IMPG1: variants seen among roughly 807,000 people sequenced by gnomAD.
The protein encoded by IMPG1 is interphotoreceptor matrix proteoglycan 1.
In IMPG1, 85 loss-of-function variants were observed where a neutral mutation model predicts 92.0. The observed-to-expected ratio is 0.92, with a 90% confidence interval of 0.78 to 1.11. The LOEUF (loss-of-function observed/expected upper bound fraction) is 1.11. Among genes scored for constraint, IMPG1 ranks in the 50% least tolerant of loss-of-function variants. IMPG1 has a pLI of 0.00. For missense variants in IMPG1, 1,022 were observed against 956.0 expected (o/e 1.07, Z -0.91); for synonymous variants, 367 against 334.1 (o/e 1.10, Z -1.08).
Position 75,974,355 on chromosome 6 carries a change from C to CTTTCTT in IMPG1, c.1292-23267_1292-23262dup, listed in dbSNP as rs1554230280. 5.4e-5 allele frequency among the ~76,000 whole-genome samples: 6 copies of CTTTCTT among 110,114 alleles called. No individual in the cohort carries two copies. The East Asian group carries it at 1.5e-3, about 27-fold the overall frequency. 72.2% of individuals were successfully genotyped at this position (110,114 alleles called of 152,430 possible). On this transcript the variant is annotated intron_variant, in intron 12 of 16. Transcript: ENST00000369950. Reference sequence around the variant, plus strand: ...CCTTTCTTTCTTTCTTTCTTTCTTTCTTTCTTTCTTTCTTTCTTTCTTTCT... The same window carrying CTTTCTT: ...CCTTTCTTTCTTTCTTTCTTTCTTTCTTTCTTTTTCTTTCTTTCTTTCTTTCTTTCT...
intron 7 of IMPG1, among the ~76,000 whole-genome samples, chr6:76,016,991 C>T (rs1484665134): frequency 6.6e-6 from 1 of 152,000 alleles, no homozygotes; most frequent in Non-Finnish European, 1.5e-5. Flanking sequence ...AATGAGTGAG[C>T]CCAGGAGAGA....
intron 14 of IMPG1, among the ~76,000 whole-genome samples, chr6:75,932,147 T>G (rs1307566409): frequency 6.6e-6 from 1 of 152,232 alleles, no homozygotes; most frequent in Non-Finnish European, 1.5e-5. Context: ...CCAAGAAATT[T>G]AGGGGAAAAT....
intron 14 of IMPG1, chr6:75,934,794 C>G (rs926929214): frequency 6.1e-6 from 2 of 326,336 alleles, no homozygotes; most frequent in Admixed American, 3.3e-5. Flanking sequence ...CGCTACACCC[C>G]CCTTCCCGTC....
At chr6:76,069,919 G>T (rs1208604050) in intron 1 of IMPG1, among the ~76,000 whole-genome samples, 1 of 152,128 alleles carries the variant, frequency 6.6e-6, no homozygotes, top group Non-Finnish European at 1.5e-5. Flanking sequence ...TTATAAGTGG[G>T]AGCTAAACAC....
At chr6:76,016,026 C>T (rs1223631123) in intron 7 of IMPG1, among the ~76,000 whole-genome samples, 1 of 152,040 alleles carries the variant, frequency 6.6e-6, no homozygotes, top group Non-Finnish European at 1.5e-5. Flanking sequence ...TCCTCAGTTA[C>T]CTCTTACAAA....
intron 12 of IMPG1, among the ~76,000 whole-genome samples, chr6:75,959,864 G>A (rs1001967557): frequency 6.6e-6 from 1 of 152,162 alleles, no homozygotes; most frequent in African/African-American, 2.4e-5. Flanking sequence ...CCTTTTCCAG[G>A]GGAGTGAACA....
chr6:75,966,331 G>T (rs777840877), intron 12 of IMPG1, among the ~76,000 whole-genome samples: 9 of 152,140 alleles, frequency 5.9e-5, no homozygotes, highest in South Asian at 2.1e-4. Flanking sequence ...TAAGACTCAT[G>T]TTGAAATTTA....
chr6:75,995,816 C>T (rs1369350119), intron 12 of IMPG1, among the ~76,000 whole-genome samples: 1 of 152,212 alleles, frequency 6.6e-6, no homozygotes, highest in Non-Finnish European at 1.5e-5. Context: ...TTCACTTCTC[C>T]ATTGCCTTAC....
intron 7 of IMPG1, among the ~76,000 whole-genome samples, chr6:76,011,563 T>C (rs1232790338): frequency 2.6e-5 from 4 of 151,868 alleles, no homozygotes; most frequent in South Asian, 2.1e-4. Context: ...AGGAAACTTT[T>C]TTATTTTATT....
chr6:75,931,137 G>A lies in IMPG1; in HGVS notation c.2059C>T (p.Pro687Ser), dbSNP rs775831334. The change falls in exon 15 of 17, where the codon CCC becomes TCC. Residue 687 changes from proline to serine, a missense_variant. Physicochemically the swap from Pro to Ser is moderately conservative, Grantham distance 74 (BLOSUM62 -1). Transcript: ENST00000369950. Reference protein sequence around the residue: ...LNIEPADQADPCKFLACGEFA... With the variant: ...LNIEPADQADSCKFLACGEFA... ...TCGCCGCAGGCCAGGAACTTGCAGG[G>A]ATCTGCTTGATCAGCTGTAAGAAAT... The A allele has an allele frequency of 3.7e-6, 6 of 1,612,504 alleles. No homozygotes were observed. The highest frequency in any genetic ancestry group is 5.1e-6 in the Non-Finnish European group (6 of 1,179,254).
chr6:75,926,434 G>A lies in IMPG1; in HGVS notation c.2244-2728C>T, dbSNP rs188971210. 3.9e-5 allele frequency among the ~76,000 whole-genome samples: 6 copies of A among 152,334 alleles called. No homozygotes were observed. In the East Asian group the frequency reaches 1.2e-3, roughly 29 times the overall value. On this transcript the variant is annotated intron_variant, in intron 15 of 16. Coordinates refer to ENST00000369950, the MANE Select transcript of IMPG1 (RefSeq NM_001563.4). Reference sequence around the variant, plus strand: ...CTTTTCTCCATTTGAGGTGTAGCATGTGAGTGAACCTGTGACTTTGCTGCG... The same window carrying A: ...CTTTTCTCCATTTGAGGTGTAGCATATGAGTGAACCTGTGACTTTGCTGCG...
chr6:76,034,526 C>G, intron 3 of IMPG1, 95 bp downstream of exon 3: 3 of 1,380,998 alleles, frequency 2.2e-6, no homozygotes, highest in Non-Finnish European at 3.0e-6. Flanking sequence ...TCAATTAACC[C>G]TTACGTTGTG....
At chr6:76,064,888 A>G (rs1236938628) in intron 1 of IMPG1, among the ~76,000 whole-genome samples, 1 of 152,016 alleles carries the variant, frequency 6.6e-6, no homozygotes, top group Non-Finnish European at 1.5e-5. Flanking sequence ...GCTTCCTGAG[A>G]CCTCTGCCAT....
Position 76,011,197 on chromosome 6 carries a change from C to T in IMPG1, c.835G>A (p.Gly279Arg). Residue 279 changes from glycine (G) to arginine (R), a missense_variant, in exon 8 of 17, where the codon GGA becomes AGA. Around this residue, in one of 3 missense-constraint regions of IMPG1, gnomAD observed 681 missense variants for 583.6 expected, o/e 1.17. Transcript: ENST00000369950. ...QMQKIFKKLP[G>R]FKKIHVLGFR... is the part of the protein sequence containing the mutation. ...CCTAACACATGGATTTTTTTGAATC[C>T]TGGAAGTTTCTTAAATATCTTTTGC... The T allele has an allele frequency of 6.4e-7, 1 of 1,552,966 alleles. No homozygotes were observed. The highest frequency in any genetic ancestry group is 8.9e-7 in the Non-Finnish European group (1 of 1,126,156).
chr6:76,021,997 G>A, intron 6 of IMPG1, 119 bp downstream of exon 6: 1 of 545,002 alleles, frequency 1.8e-6, no homozygotes, highest in Non-Finnish European at 3.5e-6. Flanking sequence ...CTTAACCAGA[G>A]TCACAAAAAT....
intron 14 of IMPG1, among the ~76,000 whole-genome samples, chr6:75,938,727 C>T (rs1454038238): frequency 6.6e-6 from 1 of 152,146 alleles, no homozygotes; most frequent in Non-Finnish European, 1.5e-5. Context: ...ACAGGAGAAT[C>T]ACTGGAACCC....
chr6:76,052,030 G>C (rs1339064808), intron 1 of IMPG1, among the ~76,000 whole-genome samples: 1 of 152,100 alleles, frequency 6.6e-6, no homozygotes, highest in Non-Finnish European at 1.5e-5. Context: ...TTGGTGGCAT[G>C]CTGAGTTACA....
At chr6:75,967,973 C>T (rs1236104846) in intron 12 of IMPG1, among the ~76,000 whole-genome samples, 1 of 152,176 alleles carries the variant, frequency 6.6e-6, no homozygotes, top group Non-Finnish European at 1.5e-5. Context: ...AAAGATAAAT[C>T]AAACAGAACT....
At chr6:75,939,017 G>T (rs919053453) in intron 14 of IMPG1, among the ~76,000 whole-genome samples, 18 of 152,026 alleles carry the variant, frequency 1.2e-4, no homozygotes, top group Non-Finnish European at 1.9e-4. Flanking sequence ...TGCTTTGTGT[G>T]TGTAGAGACA....
Sources: allele counts gnomAD v4.1 joint callset (sites outside exome capture counted in the v4.1 genomes callset), GRCh38; gene constraint gnomAD v4.1.1; regional missense constraint gnomAD v4.1.1; transcripts MANE v1.5; gene names NCBI Gene and HGNC (gene_info 2026-07-23, HGNC 2026-07-21).